Variants in AKR1E2 observed in about 807,000 individuals in gnomAD.
AKR1E2 encodes the protein 1,5-anhydro-D-fructose reductase.
AKR1E2 carries 43 observed loss-of-function variants against 41.9 expected under a neutral mutation model. The observed-to-expected ratio is 1.03, with a 90% CI of 0.80 to 1.32. The LOEUF is 1.32. Ranked by LOEUF, AKR1E2 falls within the 40% of genes most tolerant of loss-of-function variation. The pLI is 0.00. For missense variants in AKR1E2, 423 were observed against 396.5 expected, an observed-to-expected ratio of 1.07 and a Z score of -0.57; for synonymous variants, 121 against 138.9, an observed-to-expected ratio of 0.87 and a Z score of 0.91.
At chr10:4,843,222 G>A (rs1411226375) in intron 8 of AKR1E2, among the ~76,000 whole-genome samples, 3 of 152,302 alleles carry the variant, frequency 2.0e-5, no homozygotes, top group East Asian at 1.9e-4. Flanking sequence ...TCTCACTCAC[G>A]ATTTAACTGC....
the AKR1E2 span, among the ~76,000 whole-genome samples, chr10:4,869,127 A>G: frequency 5.9e-5 from 9 of 152,182 alleles, no homozygotes; most frequent in African/African-American, 1.7e-4. Context: ...TAATTCTTCT[A>G]TAAACATTTA....
intron 4 of AKR1E2, 77 bp from the exon 5 acceptor site, chr10:4,837,382 T>A: frequency 6.4e-7 from 1 of 1,564,038 alleles, no homozygotes; most frequent in Non-Finnish European, 8.7e-7. Context: ...TAGAATACCA[T>A]ACAGAACTGC....
Position 4,826,341 on chromosome 10 carries a change from C to A in AKR1E2, c.17C>A (p.Ala6Asp). 1 of 1,234,844 alleles carries A rather than the reference C, an allele frequency of 8.1e-7. No homozygotes were observed. 76.5% of individuals were successfully genotyped at this position (1,234,844 alleles called of 1,614,324 possible). The change falls in exon 1 of 10, where the codon GCC (alanine) becomes GAC (aspartate). Residue 6 changes from alanine (A) to aspartate (D), a missense_variant. Coordinates refer to ENST00000298375, the MANE Select transcript of AKR1E2 (RefSeq NM_001040177.3). ...GCGGCGGCCATGGGAGATATCCCAG[C>A]CGTGGGCCTCAGCTCCTGGAAGGTG... Reference protein sequence around the residue: MGDIPAVGLSSWKASP... With the variant: MGDIPDVGLSSWKASP...
the AKR1E2 span, among the ~76,000 whole-genome samples, chr10:4,862,584 G>T: frequency 3.3e-5 from 5 of 152,116 alleles, no homozygotes; most frequent in African/African-American, 9.7e-5. Flanking sequence ...TCTTCCATTT[G>T]TTTGTATCCT....
intron 4 of AKR1E2, among the ~76,000 whole-genome samples, chr10:4,836,384 T>A (rs2131528294): frequency 6.6e-6 from 1 of 152,160 alleles, no homozygotes; most frequent in Admixed American, 6.5e-5. Context: ...GGTGGTGGAT[T>A]TGAGAGGTTC....
At chr10:4,838,143 A>G (rs1295105348) in intron 5 of AKR1E2, among the ~76,000 whole-genome samples, 2 of 152,250 alleles carry the variant, frequency 1.3e-5, no homozygotes, top group Non-Finnish European at 2.9e-5. Flanking sequence ...TGAAAATGGA[A>G]CTGTATAAAT....
At chr10:4,854,586 T>A in the AKR1E2 span, among the ~76,000 whole-genome samples, 1 of 152,000 alleles carries the variant, frequency 6.6e-6, no homozygotes, top group South Asian at 2.1e-4. Context: ...TTTGGGTAAG[T>A]GGTGGGTGGG....
the AKR1E2 span, among the ~76,000 whole-genome samples, chr10:4,863,403 T>C: frequency 3.3e-5 from 5 of 152,172 alleles, no homozygotes; most frequent in African/African-American, 1.2e-4. Context: ...AGATGTTCTT[T>C]GAAACCAACG....
chr10:4,826,957 TCCC>T lies in AKR1E2; in HGVS notation c.39+595_39+597del, dbSNP rs1832573232. 1.3e-5 allele frequency among the ~76,000 whole-genome samples: 2 copies of T among 151,172 alleles called. 1 individual carries two copies. On this transcript the variant is annotated intron_variant, in intron 1 of 9. Coordinates refer to ENST00000298375, the MANE Select transcript of AKR1E2 (RefSeq NM_001040177.3). The stretch of plus-strand genomic sequence containing the variant: ...TGGGCTTGGGGGTGCGCGCCTGTGG[TCCC>T]AGCTACTCAGGAGGCTGAGGTGGGA...
chr10:4,826,443 G>A (rs1245266446), intron 1 of AKR1E2, 80 bp downstream of exon 1: 3 of 1,189,406 alleles, frequency 2.5e-6, no homozygotes, highest in Non-Finnish European at 3.2e-6. Context: ...ACCCAGGCCG[G>A]GGCTGGGGAG....
At chr10:4,862,499 T>G in the AKR1E2 span, among the ~76,000 whole-genome samples, 1 of 152,224 alleles carries the variant, frequency 6.6e-6, no homozygotes, top group African/African-American at 2.4e-5. Flanking sequence ...AGGATGACAT[T>G]GAATCTATAA....
chr10:4,826,733 G>A (rs1359125694), intron 1 of AKR1E2, among the ~76,000 whole-genome samples: 2 of 152,172 alleles, frequency 1.3e-5, no homozygotes, highest in Non-Finnish European at 2.9e-5. Context: ...GGCGGCGCTG[G>A]ACTCGGCCGG....
chr10:4,853,003 A>G (rs1166875069), downstream of AKR1E2, among the ~76,000 whole-genome samples: 5 of 152,164 alleles, frequency 3.3e-5, no homozygotes, highest in Non-Finnish European at 7.3e-5. Context: ...CATTTAGGAA[A>G]CCTCAGGAAA....
At chr10:4,846,183 G>A (rs1834321808) in intron 8 of AKR1E2, 1 of 255,026 alleles carries the variant, frequency 3.9e-6, no homozygotes, top group South Asian at 4.4e-5. Flanking sequence ...CCTGCCCTCA[G>A]GAGGGGAAGG....
intron 1 of AKR1E2, among the ~76,000 whole-genome samples, chr10:4,828,594 G>C (rs1832727065): frequency 6.6e-6 from 1 of 152,198 alleles, no homozygotes; most frequent in Non-Finnish European, 1.5e-5. Context: ...AAGGTTCCAT[G>C]AGAAACTTTA....
chr10:4,830,753 T>C lies in AKR1E2; in HGVS notation c.118T>C (p.Tyr40His). 1 of 1,614,156 alleles carries C rather than the reference T, an allele frequency of 6.2e-7. No homozygotes were observed. Among genetic ancestry groups the C allele is most frequent in the South Asian group, 1.1e-5 (1 of 91,080 alleles). ...GYRHFDCAYF[Y>H]HNEREVGAGI... ...CCGGCACTTCGACTGTGCTTACTTT[T>C]ACCACAATGAGAGGGAGGTTGGAGC... Residue 40 changes from tyrosine (Y) to histidine (H), a missense_variant, in exon 2 of 10, where the codon TAC becomes CAC. Tyr to His is a moderately conservative substitution (Grantham distance 83). Transcript: ENST00000298375.
In AKR1E2 at chr10:4,833,402, G is replaced by C; in HGVS notation, c.260G>C (p.Ser87Thr). The change falls in exon 3 of 10, where the codon AGT (serine) becomes ACT (threonine). Residue 87 changes from serine to threonine, a missense_variant. By Grantham distance (58) the Ser-to-Thr change is moderately conservative (BLOSUM62 1). Coordinates refer to ENST00000298375, the MANE Select transcript of AKR1E2 (RefSeq NM_001040177.3). ...KSLVETACRK[S>T]LKALKLNYLD... is the part of the protein sequence containing the mutation. The stretch of plus-strand genomic sequence containing the variant: ...TTGGTGGAAACAGCATGCAGAAAGA[G>C]TCTCAAGGCCTTGAAGCTGAACTAT... The C allele has an allele frequency of 1.2e-6, 2 of 1,614,204 alleles. No individual in the cohort carries two copies. The highest frequency in any genetic ancestry group is 4.5e-5 in the East Asian group (2 of 44,882).
chr10:4,845,414 C>T (rs1248084894), intron 8 of AKR1E2, among the ~76,000 whole-genome samples: 1 of 151,776 alleles, frequency 6.6e-6, no homozygotes, highest in Non-Finnish European at 1.5e-5. Flanking sequence ...AAAGTGGGAG[C>T]CCAGGCAGAG....
intron 8 of AKR1E2, among the ~76,000 whole-genome samples, chr10:4,845,373 C>T (rs113635345): frequency 0.016 from 2,453 of 152,322 alleles, 62 homozygotes; most frequent in African/African-American, 0.056. Context: ...CACAGTGCAA[C>T]GGTGGGCTGA....
Sources: gnomAD v4.1 joint callset for allele counts (sites outside exome capture counted in the v4.1 genomes callset) on GRCh38, gnomAD v4.1.1 for gene constraint, MANE v1.5 for transcripts, NCBI Gene and HGNC (gene_info 2026-07-23, HGNC 2026-07-21) for gene names.